The following CFAP43 variants were observed in gnomAD, a reference collection of about 807,000 sequenced individuals.
CFAP43 encodes cilia and flagella associated protein 43, also known as cilia- and flagella-associated protein 43.
A neutral mutation model predicts 218.9 loss-of-function variants in CFAP43; 155 were observed. The observed-to-expected ratio is 0.71, with a 90% CI of 0.62 to 0.81. The LOEUF is 0.81. Among genes scored for constraint, CFAP43 ranks in the 30% least tolerant of loss-of-function variants. The pLI, the probability that CFAP43 is intolerant of heterozygous loss-of-function variation, is 0.00. For synonymous variants in CFAP43, 645 were observed against 681.3 expected, an observed-to-expected ratio of 0.95 and a Z score of 0.83; for missense variants, 1,778 against 1,954.3, an observed-to-expected ratio of 0.91 and a Z score of 1.70.
chr10:104,175,229 G>A (rs1325496260), intron 19 of CFAP43, among the ~76,000 whole-genome samples: 2 of 152,112 alleles, frequency 1.3e-5, no homozygotes, highest in African/African-American at 2.4e-5. Flanking sequence ...TTCAAGACCA[G>A]CCTGGGCATC....
chr10:104,172,149 C>G (rs1228325040), intron 20 of CFAP43, among the ~76,000 whole-genome samples: 4 of 152,188 alleles, frequency 2.6e-5, no homozygotes, highest in Non-Finnish European at 4.4e-5. Context: ...CAACAATGTT[C>G]AAACGTATGG....
intron 19 of CFAP43, among the ~76,000 whole-genome samples, chr10:104,172,962 G>C (rs2089470715): frequency 6.6e-6 from 1 of 152,010 alleles, no homozygotes; most frequent in East Asian, 1.9e-4. Context: ...AATGATATTG[G>C]CCATTGGATG....
chr10:104,196,018 G>A (rs1033440842), intron 10 of CFAP43, among the ~76,000 whole-genome samples: 1 of 152,194 alleles, frequency 6.6e-6, no homozygotes, highest in African/African-American at 2.4e-5. Context: ...GACATTGCAA[G>A]ACATTTACTG....
At chr10:104,184,274 T>C (rs1275805099) in intron 16 of CFAP43, among the ~76,000 whole-genome samples, 2 of 152,104 alleles carry the variant, frequency 1.3e-5, no homozygotes, top group Non-Finnish European at 2.9e-5. Flanking sequence ...CCCTCCTTGT[T>C]TGGGGACTGA....
chr10:104,151,596 T>C (rs1469482814), intron 28 of CFAP43, among the ~76,000 whole-genome samples: 1 of 151,996 alleles, frequency 6.6e-6, no homozygotes, highest in African/African-American at 2.4e-5. Flanking sequence ...AATGGGGTTG[T>C]TTTTTTTCTT....
At chr10:104,203,224 G>C (rs773767114) in intron 8 of CFAP43, among the ~76,000 whole-genome samples, 43 of 152,112 alleles carry the variant, frequency 2.8e-4, no homozygotes, top group Non-Finnish European at 1.5e-4. Context: ...GATTGACCCG[G>C]GGTAGACACG....
intron 34 of CFAP43, among the ~76,000 whole-genome samples, chr10:104,139,396 C>T (rs186882821): frequency 3.5e-4 from 54 of 152,232 alleles, no homozygotes; most frequent in African/African-American, 1.3e-3. Context: ...AAGAATCTCA[C>T]GCACACATGT....
chr10:104,164,687 C>A (rs1156294882), intron 23 of CFAP43, among the ~76,000 whole-genome samples: 1 of 152,162 alleles, frequency 6.6e-6, no homozygotes, highest in African/African-American at 2.4e-5. Flanking sequence ...CGTGAGCCAC[C>A]GCGCCTGGCC....
At chr10:104,180,193 T>G (rs919634643) in intron 17 of CFAP43, among the ~76,000 whole-genome samples, 6 of 152,252 alleles carry the variant, frequency 3.9e-5, no homozygotes, top group Admixed American at 3.9e-4. Context: ...CTTTGCCTTC[T>G]TTGTTACTGT....
rs755553690 is a variant in CFAP43, at chr10:104,166,485, C to T, written c.3039+3G>A. 1.9e-6 allele frequency: 3 copies of T among 1,606,368 alleles called. No homozygotes were observed. The South Asian group carries it at 3.3e-5, about 18-fold the overall frequency. On this transcript the variant is annotated splice_donor_region_variant and intron_variant, in intron 23 of 37. Coordinates refer to ENST00000357060, the MANE Select transcript of CFAP43 (RefSeq NM_025145.7). ...TTTCAGGATAAAAAGAAAATTGACCCACTTTCAATAATATAATTTGGTTGA... is the reference window on the plus strand; with the variant it reads ...TTTCAGGATAAAAAGAAAATTGACCTACTTTCAATAATATAATTTGGTTGA...
At chr10:104,166,772 A>G in intron 22 of CFAP43, 54 bp from the exon 23 acceptor site, 2 of 1,470,726 alleles carry the variant, frequency 1.4e-6, no homozygotes, top group East Asian at 2.3e-5. Context: ...AATCCTCTAA[A>G]GGGAAATTTT....
intron 27 of CFAP43, among the ~76,000 whole-genome samples, chr10:104,157,775 TGAGAGAGA>T (rs139314213): frequency 6.7e-4 from 60 of 90,150 alleles, no homozygotes; most frequent in South Asian, 4.7e-3. Context: ...TGTGTGTGTG[TGAGAGAGA>T]GAGAGAGAGA....
chr10:104,181,430 G>A (rs1001989153), intron 17 of CFAP43, among the ~76,000 whole-genome samples: 7 of 152,106 alleles, frequency 4.6e-5, no homozygotes, highest in Non-Finnish European at 1.0e-4. Context: ...TCACCTACAG[G>A]AAACATTCTC....
At position 104,164,317 on chromosome 10, in the gene CFAP43, T is replaced by C; in HGVS notation, c.3040-17A>G. 6.6e-7 allele frequency: 1 copy of C among 1,518,948 alleles called. No individual in the cohort carries two copies. The highest frequency in any genetic ancestry group is 2.3e-5 in the East Asian group (1 of 43,248). The allele number at this position is 1,518,948 out of a possible 1,614,324, so 94.1% of individuals were successfully genotyped here. On this transcript the variant is annotated splice_polypyrimidine_tract_variant and intron_variant, in intron 23 of 37. Transcript: ENST00000357060. ...AATGATATCCTGAAATATTAACATG[T>C]TACTGAAAACACATCACATATTATA...
intron 37 of CFAP43, among the ~76,000 whole-genome samples, chr10:104,130,534 C>T (rs574985684): frequency 1.3e-5 from 2 of 152,216 alleles, no homozygotes; most frequent in East Asian, 1.9e-4. Context: ...TGGGACACTA[C>T]ACAGCCATAA....
At chr10:104,212,549 C>G (rs1296838056) in intron 4 of CFAP43, among the ~76,000 whole-genome samples, 1 of 151,980 alleles carries the variant, frequency 6.6e-6, no homozygotes, top group African/African-American at 2.4e-5. Context: ...AATTTTGATT[C>G]CAAAATTTCA....
rs1006246151 is a variant in CFAP43 at position 104,203,711 on chromosome 10, A to C, written c.1056T>G (p.Phe352Leu). ...EIERPVEHMTFSPNYTVLLIQ... is the reference protein window; with the variant it reads ...EIERPVEHMTLSPNYTVLLIQ... Reference sequence around the variant, plus strand: ...TCAGCAACACTGTATAATTGGGAGAAAATGTCATATGTTCTACAGGTCTTT... The same window carrying C: ...TCAGCAACACTGTATAATTGGGAGACAATGTCATATGTTCTACAGGTCTTT... Residue 352 changes from phenylalanine to leucine, a missense_variant, in exon 8 of 38, where the codon TTT (phenylalanine) becomes TTG (leucine). Phe to Leu is a conservative substitution (Grantham distance 22). Coordinates refer to ENST00000357060, the MANE Select transcript of CFAP43 (RefSeq NM_025145.7). 1 of 1,611,480 alleles carries C rather than the reference A, an allele frequency of 6.2e-7. No homozygotes were observed. Among genetic ancestry groups the C allele is most frequent in the Non-Finnish European group, 8.5e-7 (1 of 1,179,044 alleles).
chr10:104,141,739 C>A (rs1349054693), intron 33 of CFAP43, among the ~76,000 whole-genome samples: 3 of 152,090 alleles, frequency 2.0e-5, no homozygotes, highest in African/African-American at 7.2e-5. Flanking sequence ...TAATTCATAT[C>A]CTCGCTATAG....
At position 104,185,066 on chromosome 10, in the gene CFAP43, GT is replaced by G. The variant is rs1248228389; in HGVS notation, c.2090del (p.Asn697ThrfsTer4). ...CATCATCTCTCCCATTCACCAGAAT[GT>G]TTTGTCCATCCATTGAAATTCTCAT... ...QSMRISMDGQ[N>X]ILVNGRDDGT... On this transcript the variant is annotated frameshift_variant, in exon 16 of 38. Coordinates refer to ENST00000357060, the MANE Select transcript of CFAP43 (RefSeq NM_025145.7). LOFTEE classifies it high-confidence loss of function. 1.2e-6 allele frequency: 2 copies of G among 1,614,130 alleles called. No homozygotes were observed. Among genetic ancestry groups the G allele is most frequent in the South Asian group, 1.1e-5 (1 of 91,084 alleles).
Sources: gnomAD v4.1 joint callset for allele counts (sites outside exome capture counted in the v4.1 genomes callset) on GRCh38, gnomAD v4.1.1 for gene constraint, MANE v1.5 for transcripts, NCBI Gene and HGNC (gene_info 2026-07-23, HGNC 2026-07-21) for gene names.